KCNH8: variants seen among roughly 807,000 people sequenced by gnomAD.
KCNH8 encodes potassium voltage-gated channel subfamily H member 8, also known as voltage-gated delayed rectifier potassium channel KCNH8.
In KCNH8, 70 loss-of-function variants were observed where a neutral mutation model predicts 103.6. The ratio of observed to expected loss-of-function variants is 0.68; its 90% CI spans 0.56 to 0.82. The LOEUF is 0.82. Ranked by LOEUF, KCNH8 falls within the 40% of genes least tolerant of loss-of-function variation. The probability of loss-of-function intolerance (pLI) is 0.00; values close to 1 mark genes in which losing one functional copy is unlikely to be tolerated. For missense variants in KCNH8, 1,217 were observed against 1,329.9 expected (o/e 0.92, Z 1.32); for synonymous variants, 498 against 489.4 (o/e 1.02, Z -0.23).
intron 1 of KCNH8, among the ~76,000 whole-genome samples, chr3:19,253,268 A>T (rs2064301938): frequency 6.6e-6 from 1 of 152,148 alleles, no homozygotes; most frequent in South Asian, 2.1e-4. Flanking sequence ...AGCAGATTTA[A>T]GGAAATTGAG....
At chr3:19,362,632 C>T (rs563142809) in intron 5 of KCNH8, among the ~76,000 whole-genome samples, 39 of 152,100 alleles carry the variant, frequency 2.6e-4, no homozygotes, top group African/African-American at 8.9e-4. Context: ...GTCATCAAGC[C>T]TGTATTTCCT....
intron 3 of KCNH8, among the ~76,000 whole-genome samples, chr3:19,293,403 T>C (rs28452585): frequency 0.038 from 5,773 of 152,278 alleles, 141 homozygotes; most frequent in East Asian, 0.13. Context: ...CCATTCTCAT[T>C]TGTTATTTAA....
At chr3:19,192,989 G>A (rs961505909) in intron 1 of KCNH8, among the ~76,000 whole-genome samples, 3 of 151,500 alleles carry the variant, frequency 2.0e-5, no homozygotes, top group Admixed American at 6.6e-5. Flanking sequence ...GATTGTCAGT[G>A]ATTTAACATT....
chr3:19,285,519 TGTG>T (rs552472028), intron 3 of KCNH8, among the ~76,000 whole-genome samples: 101 of 152,306 alleles, frequency 6.6e-4, no homozygotes, highest in African/African-American at 2.2e-3. Flanking sequence ...CAATAAAAGA[TGTG>T]GTCATGTTTG....
chr3:19,412,858 A>G (rs775544440), intron 7 of KCNH8, among the ~76,000 whole-genome samples: 3 of 152,068 alleles, frequency 2.0e-5, no homozygotes, highest in Admixed American at 6.6e-5. Flanking sequence ...GGCTATTATT[A>G]TAATATAAAA....
rs146122995 is a variant in KCNH8 at position 19,342,687 on chromosome 3, A to G, written c.543A>G (p.Arg181=). The G allele has an allele frequency of 1.3e-5, 21 of 1,609,898 alleles. No homozygotes were observed. Among genetic ancestry groups the G allele is most frequent in the Non-Finnish European group, 1.8e-5 (21 of 1,177,052 alleles). ...ACATCTCTGGGCACCTGCAAAGAAG[A>G]GAAAAGAACAAATTGAAAATAAATA... ...LYHISGHLQR[R]EKNKLKINNN... is the part of the protein sequence containing the mutation. Residue 181 remains arginine, a synonymous_variant, in exon 4 of 16, where the codon AGA becomes AGG. Transcript: ENST00000328405.
At chr3:19,469,483 G>A (rs185767125) in intron 11 of KCNH8, among the ~76,000 whole-genome samples, 9 of 151,772 alleles carry the variant, frequency 5.9e-5, no homozygotes, top group Admixed American at 2.6e-4. Context: ...AGCATCACCC[G>A]GGCTGGAATG....
At position 19,533,529 on chromosome 3, in the gene KCNH8, C is replaced by G. The variant is rs774807964; in HGVS notation, c.2754C>G (p.Ser918=). Residue 918 remains serine (S), a synonymous_variant, in exon 16 of 16, where the codon TCC becomes TCG. Coordinates refer to ENST00000328405, the MANE Select transcript of KCNH8 (RefSeq NM_144633.3). Reference sequence around the variant, plus strand: ...TGCACAGCACCTCTGTGTGTCCCTCCAGGGAGAGCTTACAGACCAGAACGA... The same window carrying G: ...TGCACAGCACCTCTGTGTGTCCCTCGAGGGAGAGCTTACAGACCAGAACGA... ...CSLHSTSVCP[S]RESLQTRTSW... The G allele has an allele frequency of 1.2e-6, 2 of 1,614,172 alleles. No homozygotes were observed. Among genetic ancestry groups the G allele is most frequent in the Admixed American group, 3.3e-5 (2 of 60,026 alleles).
intron 3 of KCNH8, among the ~76,000 whole-genome samples, chr3:19,336,820 GT>G (rs964862236): frequency 6.6e-6 from 1 of 151,930 alleles, no homozygotes; most frequent in South Asian, 2.1e-4. Flanking sequence ...CAAGTGCTCT[GT>G]TTTTTTAAAA....
At chr3:19,333,293 T>C (rs558728804) in intron 3 of KCNH8, among the ~76,000 whole-genome samples, 1 of 152,346 alleles carries the variant, frequency 6.6e-6, no homozygotes, top group Admixed American at 6.5e-5. Context: ...TTTCCCAGTA[T>C]GTAATTTGTA....
chr3:19,256,988 A>G (rs2064355280), intron 2 of KCNH8, among the ~76,000 whole-genome samples: 1 of 152,094 alleles, frequency 6.6e-6, no homozygotes, highest in Non-Finnish European at 1.5e-5. Context: ...CTACATCCCC[A>G]GTGCCTGACG....
chr3:19,458,262 T>C (rs1298959711), intron 11 of KCNH8, among the ~76,000 whole-genome samples: 1 of 151,892 alleles, frequency 6.6e-6, no homozygotes, highest in Non-Finnish European at 1.5e-5. Context: ...AAAAAATCAG[T>C]AGATTGAATT....
chr3:19,456,598 G>C (rs2067535770), intron 10 of KCNH8, among the ~76,000 whole-genome samples, 170 bp from the exon 11 acceptor site: 1 of 151,882 alleles, frequency 6.6e-6, no homozygotes, highest in Admixed American at 6.6e-5. Flanking sequence ...AAAAGCTAAA[G>C]CCCAGGTATG....
rs375288428 is a variant in KCNH8 at position 19,528,695 on chromosome 3, G to A, written c.2620-4700G>A. 5.1e-4 allele frequency among the ~76,000 whole-genome samples: 78 copies of A among 152,096 alleles called. No individual in the cohort carries two copies. In the South Asian group the frequency reaches 0.016, roughly 30 times the overall value. On this transcript the variant is annotated intron_variant, in intron 15 of 15. Coordinates refer to ENST00000328405, the MANE Select transcript of KCNH8 (RefSeq NM_144633.3). ...GCAACTTTCCCCTAAAATATTTATG[G>A]TAAAATCATGATATAAAATAATATC...
intron 11 of KCNH8, among the ~76,000 whole-genome samples, chr3:19,496,132 A>G (rs1226752930): frequency 6.6e-6 from 1 of 152,074 alleles, no homozygotes; most frequent in Non-Finnish European, 1.5e-5. Flanking sequence ...ATAAAATTAT[A>G]TTGTCTGCAC....
chr3:19,203,096 A>T (rs76373511), intron 1 of KCNH8, among the ~76,000 whole-genome samples: 3,000 of 152,314 alleles, frequency 0.02, 95 homozygotes, highest in African/African-American at 0.067. Context: ...TGAACAATGC[A>T]TGCAAACAGG....
rs546442285 is a variant in KCNH8, at chr3:19,245,187, A to G, written c.77-8467A>G. Among the ~76,000 whole-genome samples the G allele has an allele frequency of 9.1e-4, 138 of 152,120 alleles. 2 individuals are homozygous for G. The highest frequency in any genetic ancestry group is 1.6e-3 in the Non-Finnish European group (107 of 67,982). ...TTCTTCTGCATATGGCTAACCAGTT[A>G]TCTTAGCACCATTTATTAAATAGGG... On this transcript the variant is annotated intron_variant, in intron 1 of 15. Transcript: ENST00000328405.
intron 11 of KCNH8, among the ~76,000 whole-genome samples, chr3:19,459,568 GA>G (rs1233954558): frequency 6.6e-6 from 1 of 151,950 alleles, no homozygotes; most frequent in Non-Finnish European, 1.5e-5. Flanking sequence ...TGATTCTGTT[GA>G]TTGTTCCTTT....
intron 11 of KCNH8, among the ~76,000 whole-genome samples, chr3:19,471,335 C>T (rs192667593): frequency 6.1e-4 from 93 of 152,244 alleles, no homozygotes; most frequent in African/African-American, 2.1e-3. Flanking sequence ...ACCAGGAATC[C>T]GCATACCTGC....
Sources: allele counts gnomAD v4.1 joint callset (sites outside exome capture counted in the v4.1 genomes callset), GRCh38; gene constraint gnomAD v4.1.1; transcripts MANE v1.5; gene names NCBI Gene and HGNC (gene_info 2026-07-23, HGNC 2026-07-21).